CR1: variants seen among roughly 807,000 people sequenced by gnomAD.
The protein encoded by CR1 is complement receptor type 1.
Under a neutral mutation model 187.3 loss-of-function variants are expected in CR1, and 116 were observed. The observed-to-expected ratio is 0.62, with a 90% CI of 0.53 to 0.72. The LOEUF is 0.72. CR1 is among the 30% of genes least tolerant of loss of function. The pLI is 0.00. For synonymous variants in CR1, 576 were observed against 747.1 expected (o/e 0.77, Z 3.73); for missense variants, 1,731 against 2,110.7 (o/e 0.82, Z 3.52).
At chr1:207,619,603 T>C (rs1008232949) in intron 42 of CR1, among the ~76,000 whole-genome samples, 1 of 152,180 alleles carries the variant, frequency 6.6e-6, no homozygotes, top group Non-Finnish European at 1.5e-5. Context: ...ACCGTTAGCC[T>C]AATTCCTAAT....
chr1:207,589,843 C>T (rs138975227), intron 35 of CR1, among the ~76,000 whole-genome samples: 1,973 of 152,112 alleles, frequency 0.013, 46 homozygotes, highest in African/African-American at 0.044. Context: ...ATAGCCGAAT[C>T]GATCAAGTGA....
At chr1:207,609,786 T>A in intron 37 of CR1, 98 bp downstream of exon 37, 1 of 1,279,778 alleles carries the variant, frequency 7.8e-7, no homozygotes, top group Non-Finnish European at 1.0e-6. Flanking sequence ...ACTATGAAAT[T>A]GGCATAAACA....
chr1:207,585,654 G>A (rs764981976), intron 33 of CR1, among the ~76,000 whole-genome samples: 2 of 152,198 alleles, frequency 1.3e-5, no homozygotes, highest in Admixed American at 1.3e-4. Flanking sequence ...AGCCAGCCAA[G>A]GTGAAAAGAC....
chr1:207,575,580 A>AC lies in CR1; in HGVS notation c.4452-15_4452-14insC. The AC allele has an allele frequency of 6.2e-7, 1 of 1,611,796 alleles. No homozygotes were observed. Among genetic ancestry groups the AC allele is most frequent in the Admixed American group, 1.7e-5 (1 of 60,016 alleles). On this transcript the variant is annotated splice_polypyrimidine_tract_variant and intron_variant, in intron 27 of 46. Coordinates refer to ENST00000367049, the MANE Select transcript of CR1 (RefSeq NM_000651.6). ...GGTATGTACAGGACAATGATTTTCC[A>AC]TTTTTTGCCTTTAGGCACCGACTCA...
chr1:207,501,274 T>C (rs1222551172), intron 1 of CR1, among the ~76,000 whole-genome samples: 1 of 152,220 alleles, frequency 6.6e-6, no homozygotes, highest in South Asian at 2.1e-4. Context: ...ATGAGGGAAC[T>C]CTGTGTGGGT....
At chr1:207,582,997 A>G (rs1223564365) in intron 32 of CR1, among the ~76,000 whole-genome samples, 1 of 152,200 alleles carries the variant, frequency 6.6e-6, no homozygotes, top group East Asian at 1.9e-4. Flanking sequence ...ATAGATATGT[A>G]GAAGCCATCA....
chr1:207,500,903 A>C lies in CR1; in HGVS notation c.121+4515A>C, dbSNP rs149942601. Among the ~76,000 whole-genome samples, 1,074 of 152,302 alleles carry C rather than the reference A, an allele frequency of 7.1e-3. 12 individuals carry two copies. Among genetic ancestry groups the C allele is most frequent in the African/African-American group, 0.024 (978 of 41,554 alleles). On this transcript the variant is annotated intron_variant, in intron 1 of 46. Transcript: ENST00000367049. The stretch of plus-strand genomic sequence containing the variant: ...AAGTAAATGGATAAACTAAATTAAG[A>C]TATATTTATGCAATTGAATATTACC...
chr1:207,614,805 T>C (rs1662046831), intron 40 of CR1, among the ~76,000 whole-genome samples: 1 of 152,136 alleles, frequency 6.6e-6, no homozygotes. Context: ...AGGAGGAATC[T>C]TTCTTAAATT....
rs1332301171 is a variant in CR1 at position 207,617,507 on chromosome 1, A to ATATATATATATATGTGTGTG, written c.6890-563_6890-562insATATATATATATGTGTGTGT. Reference sequence around the variant, plus strand: ...AGTATATATATATATATATATATATATGTGTGTGTGTGTGTGTGTGTGTGT... The same window carrying ATATATATATATATGTGTGTG: ...AGTATATATATATATATATATATATATATATATATATATGTGTGTGTGTGTGTGTGTGTGTGTGTGTGTGT... On this transcript the variant is annotated intron_variant, in intron 41 of 46. Transcript: ENST00000367049. Among the ~76,000 whole-genome samples, 24 of 47,022 alleles carry ATATATATATATATGTGTGTG rather than the reference A, an allele frequency of 5.1e-4. 1 individual carries two copies. The highest frequency in any genetic ancestry group is 6.8e-4 in the Non-Finnish European group (14 of 20,664). 30.8% of individuals were successfully genotyped at this position (47,022 alleles called of 152,430 possible).
intron 45 of CR1, among the ~76,000 whole-genome samples, chr1:207,628,776 T>C (rs1662558717): frequency 6.6e-6 from 1 of 152,248 alleles, no homozygotes; most frequent in South Asian, 2.1e-4. Flanking sequence ...TTTCTCCCTA[T>C]ATTTTACTGA....
rs1275580083 is a variant in CR1 at position 207,640,366 on chromosome 1, A to G, written c.*957A>G. On this transcript the variant is annotated 3_prime_UTR_variant, in exon 47 of 47. Transcript: ENST00000367049. ...TAGCCAGGATGGTCTGGATCTCCTG[A>G]CCTCGTGATCCACCTGCCTCGGCCT... 1.3e-5 allele frequency: 2 copies of G among 152,220 alleles called. No homozygotes were observed. The highest frequency in any genetic ancestry group is 1.9e-4 in the East Asian group (1 of 5,172). 9.4% of individuals were successfully genotyped at this position (152,220 alleles called of 1,614,324 possible).
At position 207,565,807 on chromosome 1, in the gene CR1, G is replaced by A. The variant is rs112610279; in HGVS notation, c.3867-31G>A. The A allele has an allele frequency of 2.5e-6, 4 of 1,609,736 alleles. 1 individual carries two copies. In the African/African-American group the frequency reaches 4.2e-5, roughly 17 times the overall value. On this transcript the variant is annotated intron_variant, in intron 23 of 46. Transcript: ENST00000367049. Reference sequence around the variant, plus strand: ...ACTAAGTGTCCTCTTGGCTGAAACAGCTCACTATTCACTCCTATTTTCTTC... The same window carrying A: ...ACTAAGTGTCCTCTTGGCTGAAACAACTCACTATTCACTCCTATTTTCTTC...
At chr1:207,600,931 G>A (rs938583483) in intron 35 of CR1, 1 of 151,980 alleles carries the variant, frequency 6.6e-6, no homozygotes, top group African/African-American at 2.4e-5. Context: ...AAAAATTTCT[G>A]GGGTGCTGAT....
At chr1:207,498,466 G>T (rs1659157316) in intron 1 of CR1, among the ~76,000 whole-genome samples, 1 of 152,164 alleles carries the variant, frequency 6.6e-6, no homozygotes, top group South Asian at 2.1e-4. Context: ...AGAGGACTTA[G>T]ATTAGCTGCA....
chr1:207,588,157 G>C (rs371483829), intron 34 of CR1, among the ~76,000 whole-genome samples: 2 of 152,102 alleles, frequency 1.3e-5, no homozygotes, highest in East Asian at 3.9e-4. Context: ...TGTTTCTGCT[G>C]TTGCTGTTGT....
chr1:207,607,362 A>G (rs753637232), intron 36 of CR1, 26 bp downstream of exon 36: 2 of 1,553,416 alleles, frequency 1.3e-6, no homozygotes, highest in East Asian at 2.2e-5. Context: ...TTTCTCCACA[A>G]ATTCCTCTGT....
At chr1:207,504,396 A>T (rs916079938) in intron 1 of CR1, among the ~76,000 whole-genome samples, 1 of 152,198 alleles carries the variant, frequency 6.6e-6, no homozygotes, top group Admixed American at 6.5e-5. Context: ...ATAGCAATTT[A>T]AATTTTTATA....
intron 35 of CR1, chr1:207,605,855 G>A (rs928116031): frequency 2.6e-5 from 4 of 152,126 alleles, no homozygotes; most frequent in African/African-American, 9.7e-5. Context: ...AATTCAATCA[G>A]TACCTAAAAC....
At position 207,526,816 on chromosome 1, in the gene CR1, C is replaced by T; in HGVS notation, c.950C>T (p.Ser317Leu). The change falls in exon 6 of 47, where the codon TCA becomes TTA. Residue 317 changes from serine to leucine, a missense_variant. By Grantham distance (145) the Ser-to-Leu change is moderately radical. Transcript: ENST00000367049. ...ACCCAAAGGGACAAGGACAACTTTT[C>T]ACCTGGGCAGGAAGTGTTCTACAGC... The part of the protein sequence containing the change: ...ERTQRDKDNF[S>L]PGQEVFYSCE... The T allele has an allele frequency of 1.3e-6, 2 of 1,494,134 alleles. 1 individual carries two copies. The highest frequency in any genetic ancestry group is 1.8e-6 in the Non-Finnish European group (2 of 1,127,382). The allele number at this position is 1,494,134 out of a possible 1,614,324, so 92.6% of individuals were successfully genotyped here. A position where few individuals can be genotyped will look rare whatever the true frequency, so the allele number is the denominator to read the frequency against.
Sources: gnomAD v4.1 joint callset for allele counts (sites outside exome capture counted in the v4.1 genomes callset) on GRCh38, gnomAD v4.1.1 for gene constraint, MANE v1.5 for transcripts, NCBI Gene and HGNC (gene_info 2026-07-23, HGNC 2026-07-21) for gene names.